The following NINL variants were observed in gnomAD, a reference collection of about 807,000 sequenced individuals.
NINL encodes the protein ninein-like protein.
Under a neutral mutation model 160.3 loss-of-function variants are expected in NINL, and 153 were observed. The ratio of observed to expected loss-of-function variants is 0.95; its 90% CI spans 0.84 to 1.09. The LOEUF (loss-of-function observed/expected upper bound fraction) is 1.09. NINL is among the 50% of genes least tolerant of loss of function. The probability of loss-of-function intolerance (pLI) is 0.00; values close to 1 mark genes in which losing one functional copy is unlikely to be tolerated. For missense variants in NINL, 1,829 were observed against 1,764.0 expected, an observed-to-expected ratio of 1.04 and a Z score of -0.66; for synonymous variants, 800 against 734.8, an observed-to-expected ratio of 1.09 and a Z score of -1.43.
intron 5 of NINL, among the ~76,000 whole-genome samples, chr20:25,505,947 T>C (rs772037912): frequency 5.3e-5 from 8 of 152,222 alleles, no homozygotes; most frequent in African/African-American, 1.7e-4. Flanking sequence ...GAACCTTCTA[T>C]GGTCAGCCAT....
Position 25,462,566 on chromosome 20 carries a change from A to G in NINL, c.3424-25T>C, listed in dbSNP as rs200233228. The G allele has an allele frequency of 2.5e-5, 40 of 1,578,802 alleles. 1 individual carries two copies. The highest frequency in any genetic ancestry group is 6.8e-5 in the African/African-American group (5 of 73,152). ...TCTGGGGGAAAAAGTTTTTAAATAC[A>G]TAAGAAAAAAATGTTTTTAATTTTC... On this transcript the variant is annotated intron_variant, in intron 19 of 23. Transcript: ENST00000278886.
At chr20:25,495,270 G>T (rs1269090219) in intron 10 of NINL, among the ~76,000 whole-genome samples, 2 of 152,194 alleles carry the variant, frequency 1.3e-5, no homozygotes, top group East Asian at 3.8e-4. Context: ...TCCAACATGC[G>T]ATGTGGCCAG....
At chr20:25,495,266 A>T (rs2063727636) in intron 10 of NINL, among the ~76,000 whole-genome samples, 1 of 152,240 alleles carries the variant, frequency 6.6e-6, no homozygotes, top group African/African-American at 2.4e-5. Context: ...CAATTCCAAC[A>T]TGCGATGTGG....
At chr20:25,495,880 C>T (rs1369643961) in intron 10 of NINL, among the ~76,000 whole-genome samples, 1 of 152,224 alleles carries the variant, frequency 6.6e-6, no homozygotes, top group African/African-American at 2.4e-5. Context: ...GGCGTGGTGG[C>T]TCACACCTGT....
At position 25,500,954 on chromosome 20, in the gene NINL, G is replaced by T; in HGVS notation, c.918C>A (p.Cys306Ter). 2 of 1,614,216 alleles carry T rather than the reference G, an allele frequency of 1.2e-6. No individual in the cohort carries two copies. The highest frequency in any genetic ancestry group is 1.7e-6 in the Non-Finnish European group (2 of 1,180,032). Residue 306 changes from cysteine to a stop codon, truncating the protein, a stop_gained, in exon 8 of 24, where the codon TGC becomes TGA. Transcript: ENST00000278886. LOFTEE classifies it high-confidence loss of function. The stretch of plus-strand genomic sequence containing the variant: ...TGCTGGAGAAGAGGCGCAGGCTGGA[G>T]CACAGGGACACGAGGGATGAGGTTG... The part of the protein sequence containing the change: ...TTTTSSLVSL[C>*]SSLRLFSSID...
At chr20:25,473,675 TACACACAC>T (rs56359105) in intron 17 of NINL, among the ~76,000 whole-genome samples, 6,748 of 137,890 alleles carry the variant, frequency 0.049, 188 homozygotes, top group Middle Eastern at 0.11. Flanking sequence ...AATACACACA[TACACACAC>T]ACACACACAC....
intron 7 of NINL, 40 bp downstream of exon 7, chr20:25,503,912 C>A: frequency 6.2e-7 from 1 of 1,612,506 alleles, no homozygotes; most frequent in Non-Finnish European, 8.5e-7. Flanking sequence ...AGAGTGACAG[C>A]AGTGGTTGCT....
chr20:25,572,171 T>C (rs1200792046), intron 1 of NINL, among the ~76,000 whole-genome samples: 1 of 151,958 alleles, frequency 6.6e-6, no homozygotes, highest in African/African-American at 2.4e-5. Flanking sequence ...GTTGCCTAAG[T>C]TTATACTTTT....
chr20:25,571,233 A>G (rs984041679), intron 1 of NINL, among the ~76,000 whole-genome samples: 2 of 152,338 alleles, frequency 1.3e-5, no homozygotes, highest in South Asian at 2.1e-4. Context: ...GCCTTTCATT[A>G]TAATAAGCAG....
chr20:25,508,607 T>G (rs188539254), intron 5 of NINL, among the ~76,000 whole-genome samples: 1 of 152,332 alleles, frequency 6.6e-6, no homozygotes, highest in Admixed American at 6.5e-5. Flanking sequence ...GATGGCTTCA[T>G]GCCTCCTACA....
Position 25,505,092 on chromosome 20 carries a change from G to A in NINL, c.518-14C>T. The A allele has an allele frequency of 1.9e-6, 3 of 1,559,080 alleles. No homozygotes were observed. The highest frequency in any genetic ancestry group is 2.6e-6 in the Non-Finnish European group (3 of 1,152,648). On this transcript the variant is annotated splice_polypyrimidine_tract_variant and intron_variant, in intron 5 of 23. Coordinates refer to ENST00000278886, the MANE Select transcript of NINL (RefSeq NM_025176.6). Reference sequence around the variant, plus strand: ...TCTGCAGCTGTCCTGAAGCAAGGGAGGAGTCACAGTTACACCCTGATACAT... The same window carrying A: ...TCTGCAGCTGTCCTGAAGCAAGGGAAGAGTCACAGTTACACCCTGATACAT...
rs1159660728 is a variant in NINL at position 25,479,207 on chromosome 20, C to T, written c.1918-1G>A. 1.9e-6 allele frequency: 3 copies of T among 1,600,152 alleles called. No individual in the cohort carries two copies. The highest frequency in any genetic ancestry group is 2.6e-6 in the Non-Finnish European group (3 of 1,171,152). ...CAATTTCCCTTTCGTAGTAATTTAC[C>T]TAAAACGAGAAACATGAGCCCCGTG... is the stretch of plus-strand genomic sequence containing the variant. On this transcript the variant is annotated splice_acceptor_variant, in intron 15 of 23. Transcript: ENST00000278886. LOFTEE classifies it high-confidence loss of function.
intron 1 of NINL, among the ~76,000 whole-genome samples, chr20:25,574,640 G>A (rs756957543): frequency 2.0e-5 from 3 of 152,156 alleles, no homozygotes; most frequent in Non-Finnish European, 2.9e-5. Context: ...TGGGGCCATC[G>A]GTGGCTAAAT....
chr20:25,532,815 C>G (rs1024164417), intron 1 of NINL, among the ~76,000 whole-genome samples: 1 of 152,170 alleles, frequency 6.6e-6, no homozygotes, highest in Non-Finnish European at 1.5e-5. Context: ...ATAAAGGAAA[C>G]GAGGAGGTAC....
Position 25,480,198 on chromosome 20 carries a change from T to C in NINL, c.1880A>G (p.Glu627Gly), listed in dbSNP as rs1346257859. ...CTGGGTCCTGAGGTCTTGGTAATGC[T>C]CCTTTACCTGCTCCATCATCAGCTC... is the stretch of plus-strand genomic sequence containing the variant. ...ETELMMEQVKEHYQDLRTQLE... is the reference protein window; with the variant it reads ...ETELMMEQVKGHYQDLRTQLE... Residue 627 changes from glutamate to glycine, a missense_variant, in exon 15 of 24, where the codon GAG (glutamate) becomes GGG (glycine). Coordinates refer to ENST00000278886, the MANE Select transcript of NINL (RefSeq NM_025176.6). 1.2e-6 allele frequency: 2 copies of C among 1,613,866 alleles called. No homozygotes were observed. Among genetic ancestry groups the C allele is most frequent in the African/African-American group, 1.3e-5 (1 of 74,880 alleles).
At chr20:25,491,749 G>A (rs1318155735) in intron 10 of NINL, among the ~76,000 whole-genome samples, 1 of 152,226 alleles carries the variant, frequency 6.6e-6, no homozygotes, top group Non-Finnish European at 1.5e-5. Flanking sequence ...GATCTGGTGG[G>A]TCACATGGCA....
At chr20:25,551,389 AAAAAG>A (rs1250740666) in intron 1 of NINL, among the ~76,000 whole-genome samples, 15 of 152,210 alleles carry the variant, frequency 9.9e-5, no homozygotes, top group African/African-American at 3.1e-4. Context: ...AAATAAAAAA[AAAAAG>A]AAAAGAAAAG....
chr20:25,562,107 C>T lies in NINL; in HGVS notation c.-12+23348G>A, dbSNP rs1223695664. Among the ~76,000 whole-genome samples, 36 of 148,894 alleles carry T rather than the reference C, an allele frequency of 2.4e-4. 1 individual carries two copies. Among genetic ancestry groups the T allele is most frequent in the African/African-American group, 8.2e-4 (33 of 40,356 alleles). ...CAGCCCCCCGCCCAGCCAGCCGCCC[C>T]GTCCGGGAGGGAGGTGGGGGTGTCA... is the stretch of plus-strand genomic sequence containing the variant. On this transcript the variant is annotated intron_variant, in intron 1 of 23. Coordinates refer to ENST00000278886, the MANE Select transcript of NINL (RefSeq NM_025176.6).
chr20:25,491,618 C>T (rs2063640664), intron 10 of NINL, 93 bp from the exon 11 acceptor site: 15 of 1,457,874 alleles, frequency 1.0e-5, no homozygotes, highest in South Asian at 9.0e-5. Context: ...CTCTTAGAAA[C>T]GCCCCTGTCC....
Sources: gnomAD v4.1 joint callset for allele counts (sites outside exome capture counted in the v4.1 genomes callset) on GRCh38, gnomAD v4.1.1 for gene constraint, MANE v1.5 for transcripts, NCBI Gene and HGNC (gene_info 2026-07-23, HGNC 2026-07-21) for gene names.